The following SORCS2 variants were observed in gnomAD, a reference collection of about 807,000 sequenced individuals.
The protein encoded by SORCS2 is sortilin related VPS10 domain containing receptor 2, also known as VPS10 domain-containing receptor SorCS2.
SORCS2 carries 100 observed loss-of-function variants against 141.6 expected under a neutral mutation model. The ratio of observed to expected loss-of-function variants is 0.71; its 90% confidence interval spans 0.60 to 0.83. SORCS2 has a LOEUF of 0.83. SORCS2 is among the 40% of genes least tolerant of loss of function. The pLI is 0.00. For synonymous variants in SORCS2, 789 were observed against 676.9 expected (o/e 1.17, Z -2.57); for missense variants, 1,646 against 1,560.2 (o/e 1.05, Z -0.93).
intron 1 of SORCS2, among the ~76,000 whole-genome samples, chr4:7,348,671 C>T (rs911130263): frequency 1.3e-5 from 2 of 152,210 alleles, no homozygotes; most frequent in Non-Finnish European, 2.9e-5. Flanking sequence ...CCTGCCTCAG[C>T]CTCCAGAGTA....
intron 12 of SORCS2, 26 bp from the exon 13 acceptor site, chr4:7,703,254 C>G: frequency 6.3e-7 from 1 of 1,591,664 alleles, no homozygotes; most frequent in East Asian, 2.3e-5. Context: ...AGGCCCTGCC[C>G]TCAGCCACAC....
intron 26 of SORCS2, among the ~76,000 whole-genome samples, chr4:7,738,886 C>G (rs1712421631): frequency 6.6e-6 from 1 of 152,162 alleles, no homozygotes; most frequent in Non-Finnish European, 1.5e-5. Flanking sequence ...GCTCTCCAGC[C>G]CCTCACCAGG....
intron 3 of SORCS2, among the ~76,000 whole-genome samples, chr4:7,594,882 A>G (rs937091776): frequency 1.2e-4 from 18 of 152,170 alleles, no homozygotes; most frequent in African/African-American, 3.4e-4. Context: ...TTGGCTCTGA[A>G]CTTGAGGTGG....
intron 2 of SORCS2, among the ~76,000 whole-genome samples, chr4:7,440,890 T>A (rs1315028075): frequency 1.3e-5 from 2 of 152,036 alleles, no homozygotes; most frequent in Admixed American, 6.6e-5. Context: ...TACTAGGGGC[T>A]CAATGGGGAT....
chr4:7,707,475 C>A (rs904134733), intron 14 of SORCS2, among the ~76,000 whole-genome samples: 2 of 152,218 alleles, frequency 1.3e-5, no homozygotes, highest in Non-Finnish European at 2.9e-5. Context: ...TGAGTGTGGA[C>A]CCCTCTCAGG....
At chr4:7,495,215 C>T (rs1156775478) in intron 2 of SORCS2, among the ~76,000 whole-genome samples, 1 of 152,230 alleles carries the variant, frequency 6.6e-6, no homozygotes, top group Non-Finnish European at 1.5e-5. Context: ...GATGAATTTG[C>T]CAGAACTCTG....
intron 2 of SORCS2, among the ~76,000 whole-genome samples, chr4:7,425,884 G>A (rs904354005): frequency 5.3e-5 from 8 of 152,318 alleles, no homozygotes; most frequent in African/African-American, 7.2e-5. Flanking sequence ...CCACACTTCC[G>A]GGCCCTGGCG....
intron 11 of SORCS2, 130 bp downstream of exon 11, chr4:7,689,718 CAT>C: frequency 1.2e-6 from 1 of 802,258 alleles, no homozygotes; most frequent in Non-Finnish European, 1.9e-6. Flanking sequence ...AGTACCACTG[CAT>C]CTCCAGGAAG....
At chr4:7,425,617 T>C (rs1420972363) in intron 2 of SORCS2, among the ~76,000 whole-genome samples, 1 of 152,194 alleles carries the variant, frequency 6.6e-6, no homozygotes, top group South Asian at 2.1e-4. Context: ...CAAATGGTTG[T>C]CAGGAGGCCC....
At chr4:7,287,639 G>A (rs77505820) in intron 1 of SORCS2, among the ~76,000 whole-genome samples, 96 of 152,354 alleles carry the variant, frequency 6.3e-4, no homozygotes, top group African/African-American at 2.2e-3. Context: ...TCAGCCAGTG[G>A]ACTGTTTGTG....
intron 3 of SORCS2, among the ~76,000 whole-genome samples, chr4:7,573,556 C>T (rs946754968): frequency 2.6e-5 from 4 of 152,300 alleles, no homozygotes; most frequent in African/African-American, 9.6e-5. Context: ...CTCGCTCTGT[C>T]GCCCAGGCTG....
chr4:7,289,820 G>A (rs1462099948), intron 1 of SORCS2, among the ~76,000 whole-genome samples: 1 of 152,164 alleles, frequency 6.6e-6, no homozygotes, highest in African/African-American at 2.4e-5. Context: ...GACGGCGCTC[G>A]GCTTGCGGCC....
At chr4:7,206,002 C>T (rs370781825) in intron 1 of SORCS2, among the ~76,000 whole-genome samples, 8 of 152,108 alleles carry the variant, frequency 5.3e-5, no homozygotes, top group East Asian at 3.8e-4. Flanking sequence ...GCTGAGATCA[C>T]GCCACTGCAC....
intron 1 of SORCS2, among the ~76,000 whole-genome samples, chr4:7,204,620 AC>A (rs780496935): frequency 1.3e-5 from 2 of 152,064 alleles, no homozygotes; most frequent in Non-Finnish European, 2.9e-5. Flanking sequence ...CACAATTGCA[AC>A]CCCCAAGGAA....
At chr4:7,626,967 A>T (rs745850079) in intron 3 of SORCS2, among the ~76,000 whole-genome samples, 26 of 152,110 alleles carry the variant, frequency 1.7e-4, no homozygotes, top group African/African-American at 4.8e-4. Flanking sequence ...GATTTTATTT[A>T]TTTTTTATTC....
At chr4:7,609,904 T>A (rs1718298936) in intron 3 of SORCS2, among the ~76,000 whole-genome samples, 1 of 152,226 alleles carries the variant, frequency 6.6e-6, no homozygotes, top group Admixed American at 6.5e-5. Context: ...CACTTTGCAT[T>A]TTATTTTTAG....
intron 3 of SORCS2, among the ~76,000 whole-genome samples, chr4:7,625,236 T>C (rs1331946606): frequency 2.0e-5 from 3 of 152,138 alleles, no homozygotes; most frequent in Admixed American, 6.5e-5. Flanking sequence ...CTAAATTATA[T>C]TGGATGCTTG....
intron 9 of SORCS2, among the ~76,000 whole-genome samples, chr4:7,678,632 C>T (rs1723317186): frequency 6.6e-6 from 1 of 150,732 alleles, no homozygotes; most frequent in African/African-American, 2.4e-5. Flanking sequence ...CAGAGCCACA[C>T]ACACAGGCCT....
At chr4:7,427,597 A>G (rs1037417614) in intron 2 of SORCS2, among the ~76,000 whole-genome samples, 1 of 152,062 alleles carries the variant, frequency 6.6e-6, no homozygotes, top group Non-Finnish European at 1.5e-5. Flanking sequence ...GAAATGCCCG[A>G]GTCTGGGTTT....
Sources: allele counts gnomAD v4.1 joint callset (sites outside exome capture counted in the v4.1 genomes callset), GRCh38; gene constraint gnomAD v4.1.1; transcripts MANE v1.5; gene names NCBI Gene and HGNC (gene_info 2026-07-23, HGNC 2026-07-21).